GRIA3: variants seen among roughly 807,000 people sequenced by gnomAD.
GRIA3 encodes the protein glutamate receptor 3.
In GRIA3, 3 loss-of-function variants were observed where a neutral mutation model predicts 63.0. The observed-to-expected ratio is 0.05, with a 90% CI of 0.02 to 0.12. The LOEUF (loss-of-function observed/expected upper bound fraction) is 0.12. Among genes scored for constraint, GRIA3 ranks in the 10% least tolerant of loss-of-function variants. The pLI is 1.00. For synonymous variants in GRIA3, 274 were observed against 257.9 expected (o/e 1.06, Z -0.60); for missense variants, 347 against 700.9 (o/e 0.50, Z 5.70).
chrX:123,212,464 C>G (rs770767096), intron 2 of GRIA3, among the ~76,000 whole-genome samples: 2 of 110,885 alleles, frequency 1.8e-5, no homozygotes, highest in South Asian at 7.6e-4. Flanking sequence ...AAGATATTAC[C>G]CTGAGAGGTC....
At chrX:123,231,317 G>T (rs757301374) in intron 2 of GRIA3, among the ~76,000 whole-genome samples, 70 of 111,258 alleles carry the variant, frequency 6.3e-4, no homozygotes, top group Non-Finnish European at 9.4e-4. Context: ...TTCAGGTGAG[G>T]AAATTAAAGC....
chrX:123,322,140 T>C (rs2044872352), intron 3 of GRIA3, among the ~76,000 whole-genome samples: 1 of 111,547 alleles, frequency 9.0e-6, no homozygotes, highest in African/African-American at 3.3e-5. Flanking sequence ...CACACCTTAT[T>C]TGCCAAGAGT....
chrX:123,388,651 T>C (rs2045367064), intron 5 of GRIA3, among the ~76,000 whole-genome samples: 1 of 112,434 alleles, frequency 8.9e-6, no homozygotes, highest in African/African-American at 3.2e-5. Context: ...TAGTGGTTTA[T>C]TGATTTTATC....
chrX:123,244,770 A>G (rs1478097581), intron 2 of GRIA3, among the ~76,000 whole-genome samples: 1 of 112,298 alleles, frequency 8.9e-6, no homozygotes, highest in Non-Finnish European at 1.9e-5. Flanking sequence ...TACAATGCAC[A>G]GGACAGCCCC....
At chrX:123,459,929 T>C (rs1457878031) in intron 12 of GRIA3, among the ~76,000 whole-genome samples, 2 of 111,928 alleles carry the variant, frequency 1.8e-5, no homozygotes, top group Non-Finnish European at 3.8e-5. Context: ...ACGTTTCAGC[T>C]TAATTTCTCC....
chrX:123,464,352 T>A (rs1005557197), intron 12 of GRIA3, among the ~76,000 whole-genome samples: 1 of 111,750 alleles, frequency 8.9e-6, no homozygotes, highest in Admixed American at 9.5e-5. Flanking sequence ...ATGGGAGTTA[T>A]AGAAAAACAA....
At chrX:123,262,529 T>C (rs2044465908) in intron 3 of GRIA3, among the ~76,000 whole-genome samples, 1 of 111,969 alleles carries the variant, frequency 8.9e-6, no homozygotes, top group African/African-American at 3.2e-5. Flanking sequence ...CTTAAGGGGT[T>C]GGCAGTGAAC....
At chrX:123,355,807 T>A (rs1433395774) in intron 5 of GRIA3, among the ~76,000 whole-genome samples, 1 of 112,299 alleles carries the variant, frequency 8.9e-6, no homozygotes, top group Non-Finnish European at 1.9e-5. Context: ...ATTATTGTAA[T>A]TATATTCTTA....
At chrX:123,463,067 A>G (rs1390054277) in intron 12 of GRIA3, among the ~76,000 whole-genome samples, 1 of 111,589 alleles carries the variant, frequency 9.0e-6, no homozygotes, top group African/African-American at 3.3e-5. Context: ...TGCAAAATTC[A>G]AAAAGGTAAA....
At chrX:123,258,509 T>C (rs1037708692) in intron 3 of GRIA3, among the ~76,000 whole-genome samples, 4 of 111,399 alleles carry the variant, frequency 3.6e-5, no homozygotes, top group African/African-American at 9.8e-5. Context: ...CTCTTCCAGT[T>C]ATTAGACTTA....
chrX:123,429,031 C>A (rs1390147410), intron 12 of GRIA3, among the ~76,000 whole-genome samples: 2 of 111,611 alleles, frequency 1.8e-5, no homozygotes, highest in African/African-American at 6.5e-5. Context: ...AATATTACTA[C>A]TGCCTGCTAC....
At chrX:123,314,936 C>A (rs1429255178) in intron 3 of GRIA3, among the ~76,000 whole-genome samples, 1 of 112,001 alleles carries the variant, frequency 8.9e-6, no homozygotes, top group Non-Finnish European at 1.9e-5. Context: ...TATTGTAAGT[C>A]TTTGGTTCTA....
chrX:123,256,028 C>T lies in GRIA3; in HGVS notation c.508+2486C>T, dbSNP rs943969996. On this transcript the variant is annotated intron_variant, in intron 3 of 15. Transcript: ENST00000620443. ...AATGAGAACCTCCCATTGTAGGAAG[C>T]TCCCATTTTCCACTGCTGCCTAAAT... 6.3e-5 allele frequency among the ~76,000 whole-genome samples: 7 copies of T among 111,619 alleles called. No individual in the cohort carries two copies. In the South Asian group the frequency reaches 1.5e-3, roughly 24 times the overall value.
Position 123,417,455 on chromosome X carries a change from C to T in GRIA3, c.1554C>T (p.Val518=). ...CTATAACATTGGTCCGTGAAGAAGT[C>T]ATAGATTTTTCAAAGCCATTCATGA... The part of the protein sequence containing the change: ...PLTITLVREE[V]IDFSKPFMSL... The change falls in exon 11 of 16, where the codon GTC becomes GTT. Residue 518 remains valine (V), a synonymous_variant. Coordinates refer to ENST00000620443, the MANE Select transcript of GRIA3 (RefSeq NM_007325.5). 1 of 1,202,790 alleles carries T rather than the reference C, an allele frequency of 8.3e-7. No individual in the cohort carries two copies. Among genetic ancestry groups the T allele is most frequent in the Non-Finnish European group, 1.1e-6 (1 of 887,783 alleles).
At chrX:123,347,102 G>T (rs1431920814) in intron 4 of GRIA3, among the ~76,000 whole-genome samples, 2 of 112,094 alleles carry the variant, frequency 1.8e-5, no homozygotes, top group African/African-American at 6.5e-5. Context: ...GCTTTCAAGA[G>T]CCCCCTGTAT....
At chrX:123,420,991 A>T (rs2045561611) in intron 11 of GRIA3, among the ~76,000 whole-genome samples, 4 of 111,473 alleles carry the variant, frequency 3.6e-5, no homozygotes, top group African/African-American at 9.8e-5. Flanking sequence ...ATATAACCAA[A>T]GGTTCACCAT....
intron 4 of GRIA3, among the ~76,000 whole-genome samples, chrX:123,345,787 C>G (rs1307982781): frequency 9.0e-6 from 1 of 110,596 alleles, no homozygotes; most frequent in Non-Finnish European, 1.9e-5. Context: ...CCCACAGCAG[C>G]AGGAAACCTC....
intron 2 of GRIA3, among the ~76,000 whole-genome samples, chrX:123,243,644 C>T (rs973810786): frequency 4.5e-5 from 5 of 112,118 alleles, no homozygotes; most frequent in South Asian, 3.8e-4. Flanking sequence ...ATAGTTAGAA[C>T]GTGATAATCA....
At chrX:123,216,092 A>C (rs931884781) in intron 2 of GRIA3, among the ~76,000 whole-genome samples, 1 of 111,953 alleles carries the variant, frequency 8.9e-6, no homozygotes, top group African/African-American at 3.3e-5. Context: ...AAATAAATAC[A>C]TTTGCTCATA....
Sources: gnomAD v4.1 joint callset for allele counts (sites outside exome capture counted in the v4.1 genomes callset) on GRCh38, gnomAD v4.1.1 for gene constraint, MANE v1.5 for transcripts, NCBI Gene and HGNC (gene_info 2026-07-23, HGNC 2026-07-21) for gene names.